The following SCFD2 variants were observed in gnomAD, a reference collection of about 807,000 sequenced individuals.
The protein encoded by SCFD2 is sec1 family domain-containing protein 2.
In SCFD2, 54 loss-of-function variants were observed where a neutral mutation model predicts 58.9. The ratio of observed to expected loss-of-function variants is 0.92; its 90% CI spans 0.74 to 1.15. The LOEUF (loss-of-function observed/expected upper bound fraction) is 1.15, where lower values mean the gene tolerates loss of function less well. SCFD2 is among the 50% of genes most tolerant of loss of function. The pLI, the probability that SCFD2 is intolerant of heterozygous loss-of-function variation, is 0.00. For synonymous variants in SCFD2, 321 were observed against 335.9 expected, an observed-to-expected ratio of 0.96 and a Z score of 0.49; for missense variants, 805 against 836.6, an observed-to-expected ratio of 0.96 and a Z score of 0.47.
At chr4:53,105,603 C>A (rs1344460977) in intron 5 of SCFD2, among the ~76,000 whole-genome samples, 3 of 152,340 alleles carry the variant, frequency 2.0e-5, no homozygotes, top group African/African-American at 7.2e-5. Context: ...CACTGCAGCT[C>A]CGCAAAGCCG....
intron 5 of SCFD2, among the ~76,000 whole-genome samples, chr4:53,059,949 C>CT (rs1312947694): frequency 6.6e-6 from 1 of 151,968 alleles, no homozygotes; most frequent in African/African-American, 2.4e-5. Flanking sequence ...TTCTTCCTTC[C>CT]TTTTTAATGA....
intron 5 of SCFD2, among the ~76,000 whole-genome samples, chr4:53,120,492 T>A (rs544451312): frequency 2.0e-5 from 3 of 152,298 alleles, no homozygotes; most frequent in African/African-American, 7.2e-5. Context: ...TAGTCCTAAA[T>A]CACTGTGATA....
chr4:53,012,832 G>T (rs1320038854), intron 5 of SCFD2, among the ~76,000 whole-genome samples: 2 of 90,618 alleles, frequency 2.2e-5, no homozygotes, highest in South Asian at 1.0e-3. Flanking sequence ...GTGTGTGTGT[G>T]TGTGTTTTTT....
At chr4:53,007,112 C>T (rs985862113) in intron 5 of SCFD2, among the ~76,000 whole-genome samples, 31 of 151,694 alleles carry the variant, frequency 2.0e-4, no homozygotes, top group Admixed American at 2.0e-3. Flanking sequence ...GAGACCCTGT[C>T]TCTAAAAAAA....
chr4:53,173,812 T>A (rs1239533549), intron 4 of SCFD2, among the ~76,000 whole-genome samples: 2 of 152,164 alleles, frequency 1.3e-5, no homozygotes, highest in Non-Finnish European at 2.9e-5. Context: ...TTCAAGCTGA[T>A]AACTGCTTAA....
intron 5 of SCFD2, among the ~76,000 whole-genome samples, chr4:52,988,869 T>C (rs1353889573): frequency 1.3e-5 from 2 of 152,226 alleles, no homozygotes; most frequent in Admixed American, 1.3e-4. Flanking sequence ...ATGAATACAA[T>C]GATATTAATA....
chr4:52,961,487 C>G (rs1362835975), intron 5 of SCFD2, among the ~76,000 whole-genome samples: 3 of 152,120 alleles, frequency 2.0e-5, no homozygotes. Context: ...TTTTTAAAAG[C>G]TAGCTTGAGT....
intron 4 of SCFD2, among the ~76,000 whole-genome samples, chr4:53,201,634 CCCA>C (rs1286536812): frequency 2.6e-5 from 4 of 152,084 alleles, no homozygotes; most frequent in Admixed American, 1.3e-4. Context: ...AGTTTACAGT[CCCA>C]CCAACAGTGT....
At chr4:52,932,668 TAGA>T (rs1449701597) in intron 5 of SCFD2, among the ~76,000 whole-genome samples, 20 of 152,172 alleles carry the variant, frequency 1.3e-4, no homozygotes, top group Non-Finnish European at 2.9e-4. Context: ...CTTTGTTTCT[TAGA>T]AGAAGAGAAG....
chr4:53,237,884 G>A (rs1724546996), intron 4 of SCFD2, among the ~76,000 whole-genome samples: 2 of 62,736 alleles, frequency 3.2e-5, no homozygotes, highest in African/African-American at 6.7e-5. Context: ...CTCCCTGACG[G>A]GGCGGCTGGC....
rs58338636 is a variant in SCFD2 at position 52,884,612 on chromosome 4, A to G, written c.1962+1135T>C. Among the ~76,000 whole-genome samples, 506 of 151,988 alleles carry G rather than the reference A, an allele frequency of 3.3e-3. 11 individuals are homozygous for G. In the East Asian group the frequency reaches 0.079, roughly 24 times the overall value. On this transcript the variant is annotated intron_variant, in intron 8 of 8. Coordinates refer to ENST00000401642, the MANE Select transcript of SCFD2 (RefSeq NM_152540.4). ...CACTTCACTTCTGCTTCTTGGGATC[A>G]TCTGCCAAGTAAACTACCTGCTCTC...
intron 5 of SCFD2, among the ~76,000 whole-genome samples, chr4:53,120,591 C>G (rs1234076141): frequency 1.3e-5 from 2 of 152,132 alleles, no homozygotes; most frequent in Non-Finnish European, 2.9e-5. Context: ...TCAAATGTCT[C>G]TGGGGCACAG....
intron 2 of SCFD2, among the ~76,000 whole-genome samples, chr4:53,328,590 A>T (rs1401798641): frequency 6.6e-6 from 1 of 152,250 alleles, no homozygotes; most frequent in Non-Finnish European, 1.5e-5. Context: ...TAAAAAATAC[A>T]TATATACAAA....
intron 4 of SCFD2, among the ~76,000 whole-genome samples, chr4:53,215,376 G>T (rs1728785252): frequency 1.3e-5 from 2 of 152,124 alleles, no homozygotes; most frequent in African/African-American, 4.8e-5. Flanking sequence ...CACGTCCCTT[G>T]TAAGTTGGAT....
intron 5 of SCFD2, among the ~76,000 whole-genome samples, chr4:53,105,345 C>G (rs1724961248): frequency 6.6e-6 from 1 of 151,704 alleles, no homozygotes; most frequent in South Asian, 2.1e-4. Flanking sequence ...GAGCCGTTCA[C>G]TCCCCTGGAA....
chr4:53,003,524 T>C (rs1177483515), intron 5 of SCFD2, among the ~76,000 whole-genome samples: 1 of 152,152 alleles, frequency 6.6e-6, no homozygotes, highest in East Asian at 1.9e-4. Context: ...GTCTTCAAGT[T>C]TTATTTGCAG....
chr4:52,920,285 C>T (rs548450712), intron 6 of SCFD2, among the ~76,000 whole-genome samples: 2 of 152,354 alleles, frequency 1.3e-5, no homozygotes, highest in Admixed American at 1.3e-4. Context: ...ATTTTCATCA[C>T]AAACTTTTTC....
chr4:53,009,075 A>T (rs941680623), intron 5 of SCFD2, among the ~76,000 whole-genome samples: 1 of 152,166 alleles, frequency 6.6e-6, no homozygotes, highest in African/African-American at 2.4e-5. Flanking sequence ...ACTACCTTTG[A>T]CGAACTTGCC....
chr4:52,986,622 C>A (rs1721501095), intron 5 of SCFD2, among the ~76,000 whole-genome samples: 1 of 151,090 alleles, frequency 6.6e-6, no homozygotes, highest in Non-Finnish European at 1.5e-5. Flanking sequence ...CCTCAGCCTC[C>A]CGAGTAGCTG....
Sources: gnomAD v4.1 joint callset for allele counts (sites outside exome capture counted in the v4.1 genomes callset) on GRCh38, gnomAD v4.1.1 for gene constraint, MANE v1.5 for transcripts, NCBI Gene and HGNC (gene_info 2026-07-23, HGNC 2026-07-21) for gene names.